HAUS4: variants seen among roughly 807,000 people sequenced by gnomAD.
HAUS4 encodes HAUS augmin-like complex subunit 4.
A neutral mutation model predicts 50.6 loss-of-function variants in HAUS4; 34 were observed. That is an observed-to-expected ratio of 0.67 (90% confidence interval 0.51 to 0.90). The LOEUF (loss-of-function observed/expected upper bound fraction) is 0.90. Among genes scored for constraint, HAUS4 ranks in the 40% least tolerant of loss-of-function variants. The pLI is 0.00. For synonymous variants in HAUS4, 149 were observed against 161.4 expected, an observed-to-expected ratio of 0.92 and a Z score of 0.58; for missense variants, 370 against 428.7, an observed-to-expected ratio of 0.86 and a Z score of 1.21.
At chr14:22,949,138 C>T (rs938069720) in intron 6 of HAUS4, among the ~76,000 whole-genome samples, 23 of 116,908 alleles carry the variant, frequency 2.0e-4, no homozygotes, top group African/African-American at 7.6e-4. Flanking sequence ...GCCTGGGCGA[C>T]AAGAATGAAA....
chr14:22,950,087 C>T (rs1231748255), intron 6 of HAUS4, among the ~76,000 whole-genome samples: 2 of 146,870 alleles, frequency 1.4e-5, no homozygotes, highest in Non-Finnish European at 3.0e-5. Context: ...GAAATGGCGC[C>T]ATTGCACTCT....
chr14:22,952,277 CAA>C lies in HAUS4; in HGVS notation c.330+49_330+50del, dbSNP rs200694437. 6.5e-4 allele frequency: 980 copies of C among 1,517,752 alleles called. 7 individuals carry two copies. In the African/African-American group the frequency reaches 0.012, roughly 18 times the overall value. 94.0% of individuals were successfully genotyped at this position (1,517,752 alleles called of 1,614,324 possible). Reference sequence around the variant, plus strand: ...AAGTGATCAGCCTGCCTGGGGCTCCCAAAGTGCTGGGATTACAGGTGTTAGCC... The same window carrying C: ...AAGTGATCAGCCTGCCTGGGGCTCCCAGTGCTGGGATTACAGGTGTTAGCC... On this transcript the variant is annotated intron_variant, in intron 4 of 9. Coordinates refer to ENST00000541587, the MANE Select transcript of HAUS4 (RefSeq NM_001166269.2).
At chr14:22,948,888 C>T (rs2044695948) in intron 6 of HAUS4, among the ~76,000 whole-genome samples, 1 of 152,088 alleles carries the variant, frequency 6.6e-6, no homozygotes, top group South Asian at 2.1e-4. Context: ...AGTGTGGTAG[C>T]TCATGCCTGT....
At chr14:22,947,543 A>G in intron 8 of HAUS4, 58 bp downstream of exon 8, 1 of 1,588,970 alleles carries the variant, frequency 6.3e-7, no homozygotes, top group Non-Finnish European at 8.6e-7. Context: ...AGGGTAAGGG[A>G]TAGAGGGCTG....
rs77429086 is a variant in HAUS4 at position 22,950,518 on chromosome 14, T to G, written c.466-108A>C. On this transcript the variant is annotated intron_variant, in intron 5 of 9. Coordinates refer to ENST00000541587, the MANE Select transcript of HAUS4 (RefSeq NM_001166269.2). ...CTCAATAATAGCCAAAGAAAATGCA[T>G]CAAGAGACATCAGAGAGACTCATTT... 8 of 625,794 alleles carry G rather than the reference T, an allele frequency of 1.3e-5. No homozygotes were observed. In the East Asian group the frequency reaches 2.2e-4, roughly 17 times the overall value. The allele number at this position is 625,794 out of a possible 1,614,324, so 38.8% of individuals were successfully genotyped here.
chr14:22,946,748 G>T, intron 9 of HAUS4, 40 bp from the exon 10 acceptor site: 1 of 1,428,098 alleles, frequency 7.0e-7, no homozygotes, highest in Non-Finnish European at 9.5e-7. Context: ...TAAGGGTGCT[G>T]CTCCTCAGAA....
Position 22,946,710 on chromosome 14 carries a change from T to C in HAUS4, c.909-2A>G. On this transcript the variant is annotated splice_acceptor_variant, in intron 9 of 9. Coordinates refer to ENST00000541587, the MANE Select transcript of HAUS4 (RefSeq NM_001166269.2). LOFTEE classifies it high-confidence loss of function. ...TGAATGGCTCCCTCCAAACGGTCCCTAAGAGCCCGGGCAGAGAAGGCACAA... is the reference window on the plus strand; with the variant it reads ...TGAATGGCTCCCTCCAAACGGTCCCCAAGAGCCCGGGCAGAGAAGGCACAA... 1 of 1,600,760 alleles carries C rather than the reference T, an allele frequency of 6.2e-7. No homozygotes were observed. Among genetic ancestry groups the C allele is most frequent in the African/African-American group, 1.3e-5 (1 of 74,390 alleles).
At chr14:22,947,068 G>A in intron 9 of HAUS4, 103 bp downstream of exon 9, 1 of 800,808 alleles carries the variant, frequency 1.2e-6, no homozygotes. Context: ...ACAGGTGTGA[G>A]CCACTGTGCC....
chr14:22,946,364 AG>A lies in HAUS4; in HGVS notation c.*160del. 2.1e-6 allele frequency: 1 copy of A among 470,712 alleles called. No homozygotes were observed. 29.2% of individuals were successfully genotyped at this position (470,712 alleles called of 1,614,324 possible). Reference sequence around the variant, plus strand: ...GAAGAGGCCCAGTCATAAAAAATAAAGAGAAACCAGGAGAGTGCCTAAATGA... The same window carrying A: ...GAAGAGGCCCAGTCATAAAAAATAAAAGAAACCAGGAGAGTGCCTAAATGA... On this transcript the variant is annotated 3_prime_UTR_variant, in exon 10 of 10. Transcript: ENST00000541587.
At chr14:22,948,858 G>A (rs1367580076) in intron 6 of HAUS4, among the ~76,000 whole-genome samples, 1 of 151,960 alleles carries the variant, frequency 6.6e-6, no homozygotes, top group African/African-American at 2.4e-5. Flanking sequence ...TTAAGTCATA[G>A]AAATGGTTTA....
In HAUS4 at chr14:22,950,319, T is replaced by A; in HGVS notation, c.557A>T (p.Asn186Ile). 1 of 1,587,702 alleles carries A rather than the reference T, an allele frequency of 6.3e-7. No homozygotes were observed. The highest frequency in any genetic ancestry group is 1.1e-5 in the South Asian group (1 of 90,558). Residue 186 changes from asparagine (N) to isoleucine (I), a missense_variant, in exon 6 of 10, where the codon AAT becomes ATT. Coordinates refer to ENST00000541587, the MANE Select transcript of HAUS4 (RefSeq NM_001166269.2). ...CFTLLCYYDPNSDADSETVKA... is the reference protein window; with the variant it reads ...CFTLLCYYDPISDADSETVKA... ...AACAGACAGCTAGCACTCACCTGAA[T>A]TGGGATCATAGTAGCAGAGCAGAGT...
intron 5 of HAUS4, 36 bp downstream of exon 5, chr14:22,951,519 A>G: frequency 6.2e-7 from 1 of 1,606,512 alleles, no homozygotes; most frequent in Non-Finnish European, 8.5e-7. Context: ...AAATTAAACC[A>G]TTTCATTTAT....
At chr14:22,952,968 T>C (rs889972146) in intron 2 of HAUS4, among the ~76,000 whole-genome samples, 1 of 152,122 alleles carries the variant, frequency 6.6e-6, no homozygotes, top group Non-Finnish European at 1.5e-5. Context: ...GAATAAAAAT[T>C]AAGGGACCGT....
At chr14:22,946,861 G>A (rs1287218612) in intron 9 of HAUS4, among the ~76,000 whole-genome samples, 153 bp from the exon 10 acceptor site, 4 of 147,658 alleles carry the variant, frequency 2.7e-5, no homozygotes, top group Non-Finnish European at 4.4e-5. Context: ...TTGGCTCACT[G>A]CAGCCTCTGC....
intron 1 of HAUS4, among the ~76,000 whole-genome samples, chr14:22,956,458 C>T (rs192706270): frequency 6.6e-6 from 1 of 152,264 alleles, no homozygotes; most frequent in Admixed American, 6.5e-5. Context: ...GAAATGAAGA[C>T]CAACCCAAAT....
In HAUS4 at chr14:22,946,601, T is replaced by G; in HGVS notation, c.1016A>C (p.Lys339Thr). 1 of 1,613,926 alleles carries G rather than the reference T, an allele frequency of 6.2e-7. No individual in the cohort carries two copies. The highest frequency in any genetic ancestry group is 8.5e-7 in the Non-Finnish European group (1 of 1,179,856). ...VLGEEFDRLVKEYTVLKQATE... is the reference protein window; with the variant it reads ...VLGEEFDRLVTEYTVLKQATE... The stretch of plus-strand genomic sequence containing the variant: ...TGCCTGCTTGAGTACGGTGTACTCT[T>G]TCACCAGCCTGTCAAACTCCTCCCC... The change falls in exon 10 of 10, where the codon AAA becomes ACA. Residue 339 changes from lysine (K) to threonine (T), a missense_variant. Coordinates refer to ENST00000541587, the MANE Select transcript of HAUS4 (RefSeq NM_001166269.2).
At chr14:22,951,079 C>T (rs1405430116) in intron 5 of HAUS4, among the ~76,000 whole-genome samples, 4 of 152,146 alleles carry the variant, frequency 2.6e-5, no homozygotes. Context: ...CAGCTCACTA[C>T]AGCCTTGACC....
At chr14:22,952,260 A>G in intron 4 of HAUS4, 68 bp downstream of exon 4, 1 of 1,309,164 alleles carries the variant, frequency 7.6e-7, no homozygotes, top group East Asian at 2.3e-5. Context: ...TCAAGTGATC[A>G]GCCTGCCTGG....
At chr14:22,946,781 C>CT (rs11414358) in intron 9 of HAUS4, 73 bp from the exon 10 acceptor site, 128,746 of 593,586 alleles carry the variant, frequency 0.22, 5,357 homozygotes, top group Admixed American at 0.27. Flanking sequence ...AAATGAAAAA[C>CT]TTTTTTTTTT....
Sources: gnomAD v4.1 joint callset for allele counts (sites outside exome capture counted in the v4.1 genomes callset) on GRCh38, gnomAD v4.1.1 for gene constraint, MANE v1.5 for transcripts, NCBI Gene and HGNC (gene_info 2026-07-23, HGNC 2026-07-21) for gene names.